The following FOXP1 variants were observed in gnomAD, a reference collection of about 807,000 sequenced individuals.
FOXP1 encodes the protein forkhead box protein P1.
A neutral mutation model predicts 98.2 loss-of-function variants in FOXP1; 15 were observed. The observed-to-expected ratio is 0.15, with a 90% CI of 0.10 to 0.24. The LOEUF (loss-of-function observed/expected upper bound fraction) is 0.24, where lower values mean the gene tolerates loss of function less well. FOXP1 is among the 10% of genes least tolerant of loss of function. FOXP1 has a pLI of 1.00. For synonymous variants in FOXP1, 371 were observed against 314.5 expected (o/e 1.18, Z -1.90); for missense variants, 633 against 848.5 (o/e 0.75, Z 3.15).
chr3:71,265,456 T>C (rs1362802576), intron 5 of FOXP1, among the ~76,000 whole-genome samples: 1 of 152,208 alleles, frequency 6.6e-6, no homozygotes, highest in Non-Finnish European at 1.5e-5. Flanking sequence ...GAACACCCAC[T>C]GCTAATATTC....
chr3:71,275,089 T>C (rs758214605), intron 5 of FOXP1, among the ~76,000 whole-genome samples: 47 of 152,250 alleles, frequency 3.1e-4, no homozygotes, highest in Non-Finnish European at 6.5e-4. Flanking sequence ...AAATATTCTG[T>C]ACACAATACA....
At chr3:71,342,792 C>T (rs903994485) in intron 4 of FOXP1, among the ~76,000 whole-genome samples, 2 of 151,888 alleles carry the variant, frequency 1.3e-5, no homozygotes, top group African/African-American at 4.8e-5. Flanking sequence ...AAAAATAGTA[C>T]AATACCCATA....
At chr3:71,233,582 A>G (rs576919821) in intron 5 of FOXP1, among the ~76,000 whole-genome samples, 2 of 140,390 alleles carry the variant, frequency 1.4e-5, no homozygotes, top group Non-Finnish European at 3.0e-5. Context: ...GCCCACGACC[A>G]TGTTTGACTC....
chr3:71,075,063 C>T (rs2053654846), intron 7 of FOXP1, among the ~76,000 whole-genome samples: 1 of 152,210 alleles, frequency 6.6e-6, no homozygotes. Context: ...CAGATGTAAA[C>T]ATGAAACATC....
intron 5 of FOXP1, among the ~76,000 whole-genome samples, chr3:71,237,035 C>A (rs1488091780): frequency 6.6e-6 from 1 of 150,480 alleles, no homozygotes; most frequent in Non-Finnish European, 1.5e-5. Flanking sequence ...AGTTTGAGAC[C>A]AGCCTGACCA....
intron 7 of FOXP1, chr3:71,064,689 G>C (rs1489758666): frequency 1.8e-6 from 1 of 550,502 alleles, no homozygotes; most frequent in Non-Finnish European, 2.3e-6. Flanking sequence ...GCGAGGATGA[G>C]GATGATTTTT....
intron 6 of FOXP1, among the ~76,000 whole-genome samples, chr3:71,139,661 G>A (rs544112470): frequency 6.6e-6 from 1 of 151,762 alleles, no homozygotes; most frequent in South Asian, 2.1e-4. Flanking sequence ...CTCTATGGAT[G>A]TCACTGCTTT....
intron 3 of FOXP1, among the ~76,000 whole-genome samples, chr3:71,459,393 A>C (rs2108529538): frequency 6.6e-6 from 1 of 152,350 alleles, no homozygotes; most frequent in South Asian, 2.1e-4. Flanking sequence ...AGACCCAAGA[A>C]GGGGATACAG....
At chr3:70,973,766 T>C (rs2036861717) in intron 17 of FOXP1, among the ~76,000 whole-genome samples, 1 of 150,186 alleles carries the variant, frequency 6.7e-6, no homozygotes. Context: ...AGTTGATACA[T>C]ACATCACACT....
chr3:71,501,415 G>T (rs779050505), intron 2 of FOXP1, among the ~76,000 whole-genome samples: 6 of 150,120 alleles, frequency 4.0e-5, no homozygotes, highest in Non-Finnish European at 7.4e-5. Flanking sequence ...CTGCCTCAGC[G>T]TCCCGAGTAG....
intron 3 of FOXP1, among the ~76,000 whole-genome samples, chr3:71,411,694 G>T (rs2082762131): frequency 6.6e-6 from 1 of 152,182 alleles, no homozygotes; most frequent in Non-Finnish European, 1.5e-5. Context: ...CGTAGAAAAG[G>T]ACCCATCAAG....
intron 5 of FOXP1, among the ~76,000 whole-genome samples, chr3:71,250,728 C>T (rs1190739118): frequency 2.6e-5 from 4 of 152,068 alleles, no homozygotes; most frequent in Non-Finnish European, 2.9e-5. Context: ...GTCAGGAGTT[C>T]GAGACCAGCC....
chr3:71,138,784 G>A (rs1052196308), intron 6 of FOXP1, among the ~76,000 whole-genome samples: 1 of 152,142 alleles, frequency 6.6e-6, no homozygotes, highest in Non-Finnish European at 1.5e-5. Flanking sequence ...CACGCGACCT[G>A]TGAAAAATCT....
intron 5 of FOXP1, among the ~76,000 whole-genome samples, chr3:71,235,886 A>G (rs1182002315): frequency 1.3e-5 from 2 of 152,126 alleles, no homozygotes; most frequent in African/African-American, 4.8e-5. Context: ...TCTTTAAGAA[A>G]CTATACTTAC....
chr3:71,328,736 G>T (rs13085458), intron 4 of FOXP1, among the ~76,000 whole-genome samples: 86,894 of 151,792 alleles, frequency 0.57, 27,312 homozygotes, highest in East Asian at 0.9. Flanking sequence ...ACTTTAGGAG[G>T]CTGAGGCAGT....
At chr3:71,382,811 G>C (rs2080278730) in intron 3 of FOXP1, among the ~76,000 whole-genome samples, 1 of 152,116 alleles carries the variant, frequency 6.6e-6, no homozygotes, top group Non-Finnish European at 1.5e-5. Flanking sequence ...TTTAAATACT[G>C]AAAAACACCA....
At chr3:71,328,297 A>T (rs933201314) in intron 4 of FOXP1, among the ~76,000 whole-genome samples, 1 of 152,066 alleles carries the variant, frequency 6.6e-6, no homozygotes, top group Non-Finnish European at 1.5e-5. Context: ...TTTAAAAATT[A>T]AAAAAAAGAA....
chr3:71,510,217 G>A (rs986780382), intron 2 of FOXP1, among the ~76,000 whole-genome samples: 3 of 151,676 alleles, frequency 2.0e-5, no homozygotes, highest in African/African-American at 7.3e-5. Flanking sequence ...GGCCATGTGC[G>A]GTAGCTCATT....
intron 12 of FOXP1, among the ~76,000 whole-genome samples, chr3:71,012,799 G>T (rs1489092248): frequency 6.6e-6 from 1 of 152,112 alleles, no homozygotes. Context: ...GAATGAGAGA[G>T]AAAAGCTAGA....
Sources: allele counts gnomAD v4.1 joint callset (sites outside exome capture counted in the v4.1 genomes callset), GRCh38; gene constraint gnomAD v4.1.1; transcripts MANE v1.5; gene names NCBI Gene and HGNC (gene_info 2026-07-23, HGNC 2026-07-21).